The following ATP13A5 variants were observed in gnomAD, a reference collection of about 807,000 sequenced individuals.
The protein encoded by ATP13A5 is probable cation-transporting ATPase 13A5.
Under a neutral mutation model 150.2 loss-of-function variants are expected in ATP13A5, and 149 were observed. The ratio of observed to expected loss-of-function variants is 0.99; its 90% CI spans 0.87 to 1.14. ATP13A5 has a LOEUF of 1.14. ATP13A5 is among the 50% of genes most tolerant of loss of function. ATP13A5 has a pLI of 0.00. For synonymous variants in ATP13A5, 497 were observed against 522.2 expected (o/e 0.95, Z 0.66); for missense variants, 1,383 against 1,449.3 (o/e 0.95, Z 0.74).
At position 193,322,559 on chromosome 3, in the gene ATP13A5, T is replaced by C. The variant is rs780295022; in HGVS notation, c.1690A>G (p.Ile564Val). The C allele has an allele frequency of 2.0e-5, 33 of 1,611,280 alleles. No individual in the cohort carries two copies. Among genetic ancestry groups the C allele is most frequent in the Non-Finnish European group, 2.8e-5 (33 of 1,178,200 alleles). The change falls in exon 15 of 30, where the codon ATT becomes GTT. Residue 564 changes from isoleucine to valine, a missense_variant. Coordinates refer to ENST00000342358, the MANE Select transcript of ATP13A5 (RefSeq NM_198505.4). The part of the protein sequence containing the change: ...EGTAWKMEDC[I>V]VDSCKFGTSV... ...GTCCCAAATTTGCAGGAGTCTACAA[T>C]GCAATCTTCCATTTTCTGTTATAAA... is the stretch of plus-strand genomic sequence containing the variant.
intron 1 of ATP13A5, among the ~76,000 whole-genome samples, chr3:193,373,548 A>G (rs1422422503): frequency 4.7e-3 from 2 of 426 alleles, no homozygotes; most frequent in African/African-American, 0.015. Context: ...AAAAGAGAAC[A>G]TATCCTCAAC....
At position 193,322,592 on chromosome 3, in the gene ATP13A5, C is replaced by T. The variant is rs1208853871; in HGVS notation, c.1675-18G>A. 2 of 1,509,266 alleles carry T rather than the reference C, an allele frequency of 1.3e-6. No individual in the cohort carries two copies. Among genetic ancestry groups the T allele is most frequent in the South Asian group, 2.3e-5 (2 of 86,898 alleles). 93.5% of individuals were successfully genotyped at this position (1,509,266 alleles called of 1,614,324 possible). A position where few individuals can be genotyped will look rare whatever the true frequency, so the allele number is the denominator to read the frequency against. On this transcript the variant is annotated intron_variant, in intron 14 of 29. Coordinates refer to ENST00000342358, the MANE Select transcript of ATP13A5 (RefSeq NM_198505.4). ...TCCATTTTCTGTTATAAAATGAAAA[C>T]ATTCATAAGATTCTTTGAATAAAAA...
intron 23 of ATP13A5, among the ~76,000 whole-genome samples, chr3:193,304,017 G>A (rs1372833684): frequency 6.6e-6 from 1 of 151,806 alleles, no homozygotes; most frequent in Admixed American, 6.6e-5. Context: ...GAGTTGTATT[G>A]ACAATGGAAA....
intron 25 of ATP13A5, among the ~76,000 whole-genome samples, chr3:193,291,164 T>C (rs1717937442): frequency 6.6e-6 from 1 of 152,010 alleles, no homozygotes; most frequent in Non-Finnish European, 1.5e-5. Context: ...ACATATAAAA[T>C]GTGTTGGAAT....
chr3:193,294,728 A>G (rs1718094456), intron 25 of ATP13A5, among the ~76,000 whole-genome samples: 1 of 152,146 alleles, frequency 6.6e-6, no homozygotes, highest in African/African-American at 2.4e-5. Flanking sequence ...ATGGGGTTAC[A>G]TTCTGATAAG....
chr3:193,372,471 T>C (rs6444712), intron 1 of ATP13A5, among the ~76,000 whole-genome samples: 142,940 of 152,040 alleles, frequency 0.94, 67,251 homozygotes, highest in East Asian at 0.97. Flanking sequence ...ACTTACGATA[T>C]GCAGATATTC....
At chr3:193,300,512 C>T (rs2108839151) in intron 24 of ATP13A5, among the ~76,000 whole-genome samples, 1 of 152,274 alleles carries the variant, frequency 6.6e-6, no homozygotes, top group South Asian at 2.1e-4. Flanking sequence ...CTCTTATTCA[C>T]TTCTCAAACC....
chr3:193,358,157 CAG>C (rs959688568), intron 5 of ATP13A5, among the ~76,000 whole-genome samples: 2 of 152,146 alleles, frequency 1.3e-5, no homozygotes, highest in African/African-American at 4.8e-5. Context: ...AAGTTTCCAA[CAG>C]AGTCTCTGGC....
intron 3 of ATP13A5, 107 bp from the exon 4 acceptor site, chr3:193,362,744 GCTTTCCTTCTTT>G (rs1713066516): frequency 8.4e-6 from 6 of 715,788 alleles, no homozygotes; most frequent in South Asian, 4.3e-5. Flanking sequence ...GGTCTCACTT[GCTTTCCTTCTTT>G]CTTTCTTTCT....
At chr3:193,324,203 C>T (rs1296817361) in intron 14 of ATP13A5, among the ~76,000 whole-genome samples, 3 of 151,962 alleles carry the variant, frequency 2.0e-5, no homozygotes, top group African/African-American at 7.3e-5. Context: ...GGGTTTATAC[C>T]CTTCCGTTTT....
chr3:193,362,624 T>G lies in ATP13A5; in HGVS notation c.398A>C (p.Glu133Ala). The G allele has an allele frequency of 1.9e-6, 3 of 1,614,180 alleles. No individual in the cohort carries two copies. The highest frequency in any genetic ancestry group is 1.7e-4 in the Middle Eastern group (1 of 6,060). Residue 133 changes from glutamate to alanine, a missense_variant, in exon 4 of 30, where the codon GAA (glutamate) becomes GCA (alanine). Glu to Ala is a moderately radical substitution (Grantham distance 107). Coordinates refer to ENST00000342358, the MANE Select transcript of ATP13A5 (RefSeq NM_198505.4). ...CCAAACATACCTGATTTTCTGCACT[T>G]CCATGCACCGCAGCTACGATTGCAA... is the stretch of plus-strand genomic sequence containing the variant. Reference protein sequence around the residue: ...IKPELKLRCMEVQKIRYVWND... With the variant: ...IKPELKLRCMAVQKIRYVWND...
chr3:193,374,026 G>A (rs1405264989), intron 1 of ATP13A5, among the ~76,000 whole-genome samples: 3 of 152,174 alleles, frequency 2.0e-5, no homozygotes, highest in Admixed American at 1.3e-4. Context: ...AGCAGCACTT[G>A]TGGCTCCAGT....
Position 193,275,014 on chromosome 3 carries a change from T to G in ATP13A5, c.*28A>C. The stretch of plus-strand genomic sequence containing the variant: ...TTAATTTTGGGGAAAAAAGCAATGC[T>G]GTTGAGCATGTACGACGACAATTCT... On this transcript the variant is annotated 3_prime_UTR_variant, in exon 30 of 30. Coordinates refer to ENST00000342358, the MANE Select transcript of ATP13A5 (RefSeq NM_198505.4). 4.3e-6 allele frequency: 7 copies of G among 1,611,954 alleles called. No individual in the cohort carries two copies. Among genetic ancestry groups the G allele is most frequent in the Non-Finnish European group, 5.9e-6 (7 of 1,178,762 alleles).
intron 12 of ATP13A5, among the ~76,000 whole-genome samples, chr3:193,327,387 C>A (rs557135113): frequency 6.6e-6 from 1 of 152,138 alleles, no homozygotes; most frequent in Non-Finnish European, 1.5e-5. Context: ...AGAATCAGCT[C>A]GAGTCTGACT....
chr3:193,313,879 G>C, intron 19 of ATP13A5, 154 bp downstream of exon 19: 1 of 857,054 alleles, frequency 1.2e-6, no homozygotes, highest in Non-Finnish European at 1.7e-6. Flanking sequence ...TAGGCAACCA[G>C]AGCTGGCAGA....
chr3:193,373,874 TC>T lies in ATP13A5; in HGVS notation c.63+4788del, dbSNP rs1475156189. 3.3e-5 allele frequency among the ~76,000 whole-genome samples: 5 copies of T among 152,206 alleles called. No individual in the cohort carries two copies. The South Asian group carries it at 6.2e-4, about 19-fold the overall frequency. On this transcript the variant is annotated intron_variant, in intron 1 of 29. Transcript: ENST00000342358. Reference sequence around the variant, plus strand: ...TACTTCGAAGCAAAATGCACCTTTGTCAGTTCTGTTTTGTCCACACCAAGCA... The same window carrying T: ...TACTTCGAAGCAAAATGCACCTTTGTAGTTCTGTTTTGTCCACACCAAGCA...
intron 19 of ATP13A5, among the ~76,000 whole-genome samples, chr3:193,312,542 T>C (rs1718896935): frequency 6.6e-6 from 1 of 152,164 alleles, no homozygotes; most frequent in Non-Finnish European, 1.5e-5. Flanking sequence ...CCTGTCAAGG[T>C]GTTTCTCTGG....
rs770923090 is a variant in ATP13A5, at chr3:193,275,117, G to A, written c.3582C>T (p.Ser1194=). 4.0e-5 allele frequency: 65 copies of A among 1,614,038 alleles called. No individual in the cohort carries two copies. Among genetic ancestry groups the A allele is most frequent in the Non-Finnish European group, 5.4e-5 (64 of 1,180,036 alleles). Residue 1194 remains serine (S), a synonymous_variant, in exon 30 of 30, where the codon AGC becomes AGT. Transcript: ENST00000342358. ...GTTTTCTTTTTGGAATCTGTTCATGGCTTTCATAGCCTCCGTTGATGTAGA... is the reference window on the plus strand; with the variant it reads ...GTTTTCTTTTTGGAATCTGTTCATGACTTTCATAGCCTCCGTTGATGTAGA... ...NGFYINGGYE[S]HEQIPKRKLK...
rs141850010 is a variant in ATP13A5 at position 193,354,175 on chromosome 3, G to T, written c.558C>A (p.Asn186Lys). The stretch of plus-strand genomic sequence containing the variant: ...TGGGTTGGATTTCAACCTCAATGGC[G>T]TTGGGCCCACACACTAATCTTCTGC... Reference protein sequence around the residue: ...QEVRRLVCGPNAIEVEIQPIW... With the variant: ...QEVRRLVCGPKAIEVEIQPIW... Residue 186 changes from asparagine to lysine, a missense_variant, in exon 6 of 30, where the codon AAC becomes AAA. Asn to Lys is a moderately conservative substitution (Grantham distance 94, BLOSUM62 0). Coordinates refer to ENST00000342358, the MANE Select transcript of ATP13A5 (RefSeq NM_198505.4). The T allele has an allele frequency of 2.5e-4, 406 of 1,612,580 alleles. 1 individual carries two copies. In the African/African-American group the frequency reaches 4.2e-3, roughly 17 times the overall value.
Sources: gnomAD v4.1 joint callset for allele counts (sites outside exome capture counted in the v4.1 genomes callset) on GRCh38, gnomAD v4.1.1 for gene constraint, MANE v1.5 for transcripts, NCBI Gene and HGNC (gene_info 2026-07-23, HGNC 2026-07-21) for gene names.